The following CACNA1D variants were observed in gnomAD, a reference collection of about 807,000 sequenced individuals.
CACNA1D encodes voltage-dependent L-type calcium channel subunit alpha-1D.
In CACNA1D, 55 loss-of-function variants were observed where a neutral mutation model predicts 257.1. The ratio of observed to expected loss-of-function variants is 0.21; its 90% CI spans 0.17 to 0.27. The LOEUF is 0.27. Among genes scored for constraint, CACNA1D ranks in the 10% least tolerant of loss-of-function variants. The pLI is 1.00. For missense variants in CACNA1D, 1,876 were observed against 2,784.0 expected, an observed-to-expected ratio of 0.67 and a Z score of 7.34; for synonymous variants, 980 against 1,014.9, an observed-to-expected ratio of 0.97 and a Z score of 0.65.
intron 3 of CACNA1D, among the ~76,000 whole-genome samples, chr3:53,542,690 TAGAC>T (rs1471391858): frequency 6.6e-6 from 1 of 152,206 alleles, no homozygotes; most frequent in Non-Finnish European, 1.5e-5. Flanking sequence ...TACTTACCAA[TAGAC>T]AGGAAAGTAG....
At chr3:53,552,579 C>T (rs985197452) in intron 3 of CACNA1D, among the ~76,000 whole-genome samples, 4 of 152,152 alleles carry the variant, frequency 2.6e-5, no homozygotes, top group Non-Finnish European at 4.4e-5. Context: ...CAGGGTTTTA[C>T]CATGATGGCC....
At chr3:53,730,340 T>TA (rs1559585751) in intron 15 of CACNA1D, 102 bp from the exon 16 acceptor site, 1 of 785,562 alleles carries the variant, frequency 1.3e-6, no homozygotes, top group Non-Finnish European at 2.3e-6. Flanking sequence ...GACGGTCACT[T>TA]ACTACCAGCT....
intron 3 of CACNA1D, among the ~76,000 whole-genome samples, chr3:53,650,380 A>T (rs183495972): frequency 6.6e-6 from 1 of 152,222 alleles, no homozygotes. Flanking sequence ...CAAAGACACC[A>T]TTGGAATCTT....
rs1239372435 is a variant in CACNA1D, at chr3:53,732,062, A to G, written c.2453A>G (p.Tyr818Cys). The G allele has an allele frequency of 5.6e-6, 9 of 1,613,100 alleles. No individual in the cohort carries two copies. The highest frequency in any genetic ancestry group is 1.7e-5 in the Admixed American group (1 of 60,034). The change falls in exon 18 of 48, where the codon TAT becomes TGT. Residue 818 changes from tyrosine to cysteine, a missense_variant. Tyr to Cys is a radical substitution (Grantham distance 194, BLOSUM62 -2). Around this residue, in one of 10 missense-constraint regions of CACNA1D, gnomAD observed 78 missense variants for 69.2 expected, o/e 1.13. Transcript: ENST00000350061. The stretch of plus-strand genomic sequence containing the variant: ...GAAGAGGATGAAGACAAGGACCCCT[A>G]TCCGCCTTGCGATGTGCCAGGTATG... ...YREEDEDKDP[Y>C]PPCDVPVGEE... is the part of the protein sequence containing the mutation.
rs1435840623 is a variant in CACNA1D, at chr3:53,735,510, C to A, written c.2751+7C>A. The A allele has an allele frequency of 6.2e-7, 1 of 1,613,856 alleles. No individual in the cohort carries two copies. The highest frequency in any genetic ancestry group is 1.7e-5 in the Admixed American group (1 of 60,034). On this transcript the variant is annotated splice_region_variant and intron_variant, in intron 20 of 47. Transcript: ENST00000350061. ...CCACTCCTTCCGGAACACGGTAAGT[C>A]CCCAGGGTGGGGCTCGCTCTGGGAT...
intron 8 of CACNA1D, among the ~76,000 whole-genome samples, chr3:53,687,016 T>C: frequency 6.6e-6 from 1 of 151,912 alleles, no homozygotes; most frequent in East Asian, 1.9e-4. Context: ...AAATGAAATT[T>C]TAAAAAATTA....
chr3:53,548,261 A>G (rs565612835), intron 3 of CACNA1D, among the ~76,000 whole-genome samples: 49 of 152,248 alleles, frequency 3.2e-4, no homozygotes, highest in Admixed American at 3.1e-3. Context: ...TGAAGAAGAA[A>G]ACATACCTTG....
chr3:53,691,700 T>C (rs2094521460), intron 8 of CACNA1D, among the ~76,000 whole-genome samples: 1 of 53,208 alleles, frequency 1.9e-5, no homozygotes, highest in South Asian at 4.2e-4. Flanking sequence ...AGATATATAT[T>C]ACATATATAA....
At chr3:53,558,481 A>G (rs1270603120) in intron 3 of CACNA1D, among the ~76,000 whole-genome samples, 2 of 152,112 alleles carry the variant, frequency 1.3e-5, no homozygotes, top group African/African-American at 4.8e-5. Flanking sequence ...CAGTTTCAGT[A>G]GTAGTTATTT....
chr3:53,533,119 GTGTTTCCCATCA>G (rs1351151630), intron 3 of CACNA1D, among the ~76,000 whole-genome samples: 2 of 152,192 alleles, frequency 1.3e-5, no homozygotes, highest in African/African-American at 4.8e-5. Context: ...TAATATATCT[GTGTTTCCCATCA>G]TGTTTCCCCT....
At chr3:53,737,058 G>A (rs1335022361) in intron 20 of CACNA1D, among the ~76,000 whole-genome samples, 2 of 152,150 alleles carry the variant, frequency 1.3e-5, no homozygotes, top group Non-Finnish European at 2.9e-5. Flanking sequence ...CAGCACTTTG[G>A]GAGGCCGAAG....
At chr3:53,732,105 C>A in intron 18 of CACNA1D, 23 bp downstream of exon 18, 1 of 1,587,826 alleles carries the variant, frequency 6.3e-7, no homozygotes, top group Non-Finnish European at 8.6e-7. Flanking sequence ...AGGCCGGAGA[C>A]GCTGGCTTTG....
At chr3:53,708,812 T>C (rs905601349) in intron 9 of CACNA1D, among the ~76,000 whole-genome samples, 3 of 152,180 alleles carry the variant, frequency 2.0e-5, no homozygotes, top group Non-Finnish European at 4.4e-5. Flanking sequence ...ACTTAGAAGT[T>C]TGGGGCCTCT....
rs528792362 is a variant in CACNA1D at position 53,739,180 on chromosome 3, C to A, written c.2752-1100C>A. Among the ~76,000 whole-genome samples the A allele has an allele frequency of 7.2e-5, 11 of 152,354 alleles. No homozygotes were observed. In the South Asian group the frequency reaches 2.3e-3, roughly 32 times the overall value. ...TGACTCTTCGCTGGCATACGCCAGG[C>A]CTACTCCTTGCTCTGCAGTGCCTGT... On this transcript the variant is annotated intron_variant, in intron 20 of 47. Transcript: ENST00000350061.
At chr3:53,777,962 C>A (rs2095406899) in intron 37 of CACNA1D, among the ~76,000 whole-genome samples, 2 of 152,236 alleles carry the variant, frequency 1.3e-5, no homozygotes, top group South Asian at 4.1e-4. Flanking sequence ...TCTTGCTCCT[C>A]ATGGATCCAA....
chr3:53,639,713 A>G (rs1324612181), intron 3 of CACNA1D, among the ~76,000 whole-genome samples: 2 of 151,860 alleles, frequency 1.3e-5, no homozygotes, highest in African/African-American at 2.4e-5. Flanking sequence ...TCAGACGTCA[A>G]TCAACGTAGC....
At chr3:53,497,608 C>T in intron 2 of CACNA1D, 147 bp downstream of exon 2, 2 of 778,490 alleles carry the variant, frequency 2.6e-6, no homozygotes, top group Non-Finnish European at 4.2e-6. Context: ...TTGTATATAC[C>T]TTCCTGTCTC....
chr3:53,782,755 A>C (rs2095432972), intron 39 of CACNA1D: 1 of 152,260 alleles, frequency 6.6e-6, no homozygotes, highest in East Asian at 1.9e-4. Context: ...AGAAATGATA[A>C]AAGGAAGACA....
intron 10 of CACNA1D, 140 bp downstream of exon 10, chr3:53,718,528 G>A (rs374183797): frequency 1.2e-5 from 12 of 1,028,282 alleles, no homozygotes; most frequent in South Asian, 9.5e-5. Flanking sequence ...CGTACCCCAC[G>A]CCACGCTTCC....
Sources: gnomAD v4.1 joint callset for allele counts (sites outside exome capture counted in the v4.1 genomes callset) on GRCh38, gnomAD v4.1.1 for gene constraint, gnomAD v4.1.1 regional missense constraint, MANE v1.5 for transcripts, NCBI Gene and HGNC (gene_info 2026-07-23, HGNC 2026-07-21) for gene names.